The following ADGRL3 variants were observed in gnomAD, a reference collection of about 807,000 sequenced individuals.
ADGRL3 encodes the protein adhesion G protein-coupled receptor L3, also known as calcium-independent alpha-latrotoxin receptor 3.
ADGRL3 carries 62 observed loss-of-function variants against 153.5 expected under a neutral mutation model. That is an observed-to-expected ratio of 0.40 (90% CI 0.33 to 0.50). ADGRL3 has a LOEUF of 0.50. Ranked by LOEUF, ADGRL3 falls within the 20% of genes least tolerant of loss-of-function variation. The pLI, the probability that ADGRL3 is intolerant of heterozygous loss-of-function variation, is 0.47. For missense variants in ADGRL3, 1,641 were observed against 1,859.4 expected, an observed-to-expected ratio of 0.88 and a Z score of 2.16; for synonymous variants, 710 against 672.5, an observed-to-expected ratio of 1.06 and a Z score of -0.86.
chr4:61,666,976 A>G (rs1402062479), intron 5 of ADGRL3, among the ~76,000 whole-genome samples: 2 of 152,200 alleles, frequency 1.3e-5, no homozygotes, highest in African/African-American at 2.4e-5. Flanking sequence ...TCACTGGTAC[A>G]GAAGCCAGGG....
chr4:61,470,028 T>G (rs2097927008), intron 2 of ADGRL3, among the ~76,000 whole-genome samples: 1 of 152,010 alleles, frequency 6.6e-6, no homozygotes, highest in African/African-American at 2.4e-5. Context: ...TTTTACACAC[T>G]GAATAAGGTG....
intron 5 of ADGRL3, among the ~76,000 whole-genome samples, chr4:61,638,513 G>T (rs528004080): frequency 6.6e-6 from 1 of 152,178 alleles, no homozygotes; most frequent in South Asian, 2.1e-4. Flanking sequence ...AATAAAAAAA[G>T]AAACATTTAG....
At chr4:61,846,809 T>TA (rs2098121440) in intron 9 of ADGRL3, among the ~76,000 whole-genome samples, 1 of 151,546 alleles carries the variant, frequency 6.6e-6, no homozygotes, top group Non-Finnish European at 1.5e-5. Context: ...GCATGTCACA[T>TA]GGTGAAAGCA....
chr4:61,837,504 T>C (rs574765038), intron 9 of ADGRL3, among the ~76,000 whole-genome samples: 2 of 152,240 alleles, frequency 1.3e-5, no homozygotes, highest in African/African-American at 2.4e-5. Context: ...TTTGTGATAA[T>C]GTTCATCTAT....
intron 1 of ADGRL3, among the ~76,000 whole-genome samples, chr4:61,357,862 C>G (rs1455772532): frequency 6.6e-6 from 1 of 151,946 alleles, no homozygotes; most frequent in Non-Finnish European, 1.5e-5. Context: ...AAATCACAAG[C>G]AGACACCTAC....
intron 2 of ADGRL3, among the ~76,000 whole-genome samples, chr4:61,400,285 C>T (rs2096914465): frequency 6.6e-6 from 1 of 151,782 alleles, no homozygotes; most frequent in Admixed American, 6.6e-5. Context: ...TAAAATGTCA[C>T]AGTTTCATTT....
Position 61,895,835 on chromosome 4 carries a change from G to T in ADGRL3, c.1887+1G>T. 1 of 1,546,098 alleles carries T rather than the reference G, an allele frequency of 6.5e-7. No individual in the cohort carries two copies. The highest frequency in any genetic ancestry group is 8.8e-7 in the Non-Finnish European group (1 of 1,134,682). On this transcript the variant is annotated splice_donor_variant, in intron 11 of 26. Transcript: ENST00000683033. LOFTEE classifies it high-confidence loss of function. ...TTGGGTCAATCATATAACACAGAAG[G>T]TAAATCTTGTGACTGACAAGAAAGT...
intron 5 of ADGRL3, among the ~76,000 whole-genome samples, chr4:61,675,092 A>T (rs2095141003): frequency 6.6e-6 from 1 of 151,950 alleles, no homozygotes. Flanking sequence ...AGCTTCAGAC[A>T]TTCATTAATG....
At chr4:61,780,242 GA>G (rs1403319834) in intron 8 of ADGRL3, among the ~76,000 whole-genome samples, 1 of 152,176 alleles carries the variant, frequency 6.6e-6, no homozygotes, top group Non-Finnish European at 1.5e-5. Context: ...GCAGCCGCCT[GA>G]TATAGGATGG....
chr4:61,475,863 T>A (rs1338808443), intron 2 of ADGRL3, among the ~76,000 whole-genome samples: 1 of 145,228 alleles, frequency 6.9e-6, no homozygotes, highest in Admixed American at 6.8e-5. Context: ...GTAGATCATG[T>A]ACTGATGAAC....
At chr4:61,352,076 G>T (rs1163940274) in intron 1 of ADGRL3, among the ~76,000 whole-genome samples, 1 of 152,168 alleles carries the variant, frequency 6.6e-6, no homozygotes, top group Non-Finnish European at 1.5e-5. Flanking sequence ...GATTCATGGG[G>T]AAATATCAAA....
chr4:61,493,091 A>G (rs1273508960), intron 2 of ADGRL3, among the ~76,000 whole-genome samples: 3 of 152,202 alleles, frequency 2.0e-5, no homozygotes, highest in African/African-American at 4.8e-5. Context: ...AAAAACTGTT[A>G]TAATTCAGAG....
chr4:61,644,535 C>T (rs183909604), intron 5 of ADGRL3, among the ~76,000 whole-genome samples: 1 of 152,122 alleles, frequency 6.6e-6, no homozygotes, highest in East Asian at 1.9e-4. Flanking sequence ...GCCTTCATTT[C>T]TTTATGTACC....
intron 1 of ADGRL3, among the ~76,000 whole-genome samples, chr4:61,372,551 G>T (rs1163662472): frequency 1.3e-5 from 2 of 152,170 alleles, no homozygotes; most frequent in African/African-American, 4.8e-5. Context: ...GGGGGTCAGG[G>T]GTCAGCGATC....
chr4:61,372,058 C>T (rs868595380), intron 1 of ADGRL3, among the ~76,000 whole-genome samples: 1 of 152,104 alleles, frequency 6.6e-6, no homozygotes, highest in African/African-American at 2.4e-5. Flanking sequence ...ACGTAGTTCT[C>T]GAGCCTTGGT....
chr4:61,614,876 T>G (rs1198025779), intron 5 of ADGRL3, among the ~76,000 whole-genome samples: 1 of 152,192 alleles, frequency 6.6e-6, no homozygotes, highest in Middle Eastern at 3.2e-3. Flanking sequence ...ATCAGCTCTA[T>G]GAGCATAGAG....
chr4:62,022,222 A>G (rs575373094), intron 21 of ADGRL3, among the ~76,000 whole-genome samples: 28 of 152,306 alleles, frequency 1.8e-4, no homozygotes, highest in Admixed American at 9.8e-4. Flanking sequence ...ACAATCTCTA[A>G]AGCCAAGCCT....
chr4:61,954,643 C>T (rs1364975208), intron 17 of ADGRL3, among the ~76,000 whole-genome samples: 1 of 151,986 alleles, frequency 6.6e-6, no homozygotes, highest in Non-Finnish European at 1.5e-5. Context: ...CCTGCTCTAG[C>T]CACTGGCCTC....
chr4:61,278,980 C>A lies in ADGRL3; in HGVS notation c.-240+77215C>A, dbSNP rs189166777. ...GCTTAATTCATGTTGAGCAAAACTC[C>A]TTTAGTAATAAAATCCTTGTGTGTC... is the stretch of plus-strand genomic sequence containing the variant. On this transcript the variant is annotated intron_variant, in intron 1 of 26. Coordinates refer to ENST00000683033, the MANE Select transcript of ADGRL3 (RefSeq NM_001387552.1). Among the ~76,000 whole-genome samples, 780 of 152,244 alleles carry A rather than the reference C, an allele frequency of 5.1e-3. 2 individuals carry two copies. Among genetic ancestry groups the A allele is most frequent in the Non-Finnish European group, 8.7e-3 (595 of 68,012 alleles).
Sources: allele counts gnomAD v4.1 joint callset (sites outside exome capture counted in the v4.1 genomes callset), GRCh38; gene constraint gnomAD v4.1.1; transcripts MANE v1.5; gene names NCBI Gene and HGNC (gene_info 2026-07-23, HGNC 2026-07-21).